Variants in EYS observed in about 807,000 individuals in gnomAD.
The protein encoded by EYS is protein eyes shut homolog.
In EYS, 250 loss-of-function variants were observed where a neutral mutation model predicts 282.1. The observed-to-expected ratio is 0.89, with a 90% confidence interval of 0.80 to 0.98. The LOEUF (loss-of-function observed/expected upper bound fraction) is 0.98. Among genes scored for constraint, EYS ranks in the 50% least tolerant of loss-of-function variants. The pLI is 0.00. For synonymous variants in EYS, 1,355 were observed against 1,282.9 expected (o/e 1.06, Z -1.20); for missense variants, 4,016 against 3,709.0 (o/e 1.08, Z -2.15).
At chr6:64,292,177 C>CA (rs1356104330) in intron 30 of EYS, among the ~76,000 whole-genome samples, 27 of 152,112 alleles carry the variant, frequency 1.8e-4, no homozygotes, top group Non-Finnish European at 2.9e-4. Context: ...CCCACTTCCA[C>CA]AAAACCAGCA....
chr6:64,758,343 A>C (rs898151026), intron 22 of EYS, among the ~76,000 whole-genome samples: 2 of 152,182 alleles, frequency 1.3e-5, no homozygotes, highest in African/African-American at 4.8e-5. Context: ...TGACAACATC[A>C]AAATATAAGA....
At chr6:65,656,013 T>G (rs1767809373) in intron 1 of EYS, among the ~76,000 whole-genome samples, 1 of 151,834 alleles carries the variant, frequency 6.6e-6, no homozygotes, top group African/African-American at 2.4e-5. Flanking sequence ...TTTCAGACGT[T>G]TTCATTATTA....
intron 42 of EYS, among the ~76,000 whole-genome samples, chr6:63,724,583 C>A (rs944003008): frequency 6.6e-6 from 1 of 151,782 alleles, no homozygotes; most frequent in Non-Finnish European, 1.5e-5. Context: ...TATCAAAAAT[C>A]TTTTAAAGGT....
intron 1 of EYS, among the ~76,000 whole-genome samples, chr6:65,648,314 A>ATGTGTGTGTGTGTGTGTGTG (rs58196369): frequency 2.0e-5 from 3 of 147,894 alleles, no homozygotes; most frequent in East Asian, 2.1e-4. Flanking sequence ...AAGAAAATAT[A>ATGTGTGTGTGTGTGTGTGTG]TGTGTGTGTG....
chr6:65,135,816 C>G (rs2150205463), intron 12 of EYS, among the ~76,000 whole-genome samples: 1 of 152,054 alleles, frequency 6.6e-6, no homozygotes, highest in African/African-American at 2.4e-5. Flanking sequence ...CTCTGTGATG[C>G]TTACTGGAAC....
At chr6:63,852,893 T>C (rs1199373772) in intron 36 of EYS, among the ~76,000 whole-genome samples, 1 of 152,174 alleles carries the variant, frequency 6.6e-6, no homozygotes, top group Non-Finnish European at 1.5e-5. Flanking sequence ...CACATGATTA[T>C]CCCTACAGAT....
At chr6:65,383,879 T>C (rs772926408) in intron 8 of EYS, among the ~76,000 whole-genome samples, 5 of 151,982 alleles carry the variant, frequency 3.3e-5, no homozygotes, top group African/African-American at 4.8e-5. Flanking sequence ...TGAAAATTCC[T>C]GTGTATGTCT....
At chr6:64,210,253 C>T (rs377578164) in intron 31 of EYS, among the ~76,000 whole-genome samples, 5 of 152,216 alleles carry the variant, frequency 3.3e-5, no homozygotes, top group South Asian at 2.1e-4. Flanking sequence ...GCTGCCATAG[C>T]GAGTTATGTT....
At chr6:64,868,758 A>C (rs1314500815) in intron 19 of EYS, among the ~76,000 whole-genome samples, 3 of 151,456 alleles carry the variant, frequency 2.0e-5, no homozygotes, top group Non-Finnish European at 4.4e-5. Context: ...ACAGGAACAT[A>C]TTTTTCTGAA....
chr6:64,614,250 C>A (rs978153254), intron 24 of EYS, among the ~76,000 whole-genome samples: 3 of 152,050 alleles, frequency 2.0e-5, no homozygotes, highest in African/African-American at 7.2e-5. Context: ...AAATTTTGAC[C>A]TCTGACACCT....
chr6:63,990,188 A>G (rs1200852697), intron 34 of EYS, among the ~76,000 whole-genome samples: 1 of 151,722 alleles, frequency 6.6e-6, no homozygotes, highest in Non-Finnish European at 1.5e-5. Flanking sequence ...TTGTTGCAAA[A>G]TAATAACATA....
At chr6:65,566,813 TA>T (rs1322382978) in intron 2 of EYS, among the ~76,000 whole-genome samples, 13 of 152,138 alleles carry the variant, frequency 8.5e-5, no homozygotes, top group Non-Finnish European at 1.9e-4. Context: ...TTTAGTAGTT[TA>T]AAAAATCATA....
intron 12 of EYS, among the ~76,000 whole-genome samples, chr6:65,079,025 G>C (rs1445578427): frequency 6.6e-6 from 1 of 151,672 alleles, no homozygotes; most frequent in Non-Finnish European, 1.5e-5. Context: ...CATGTTTTCT[G>C]TTCAGCCTGC....
At chr6:63,896,858 G>T (rs1773548151) in intron 35 of EYS, among the ~76,000 whole-genome samples, 1 of 152,056 alleles carries the variant, frequency 6.6e-6, no homozygotes, top group Non-Finnish European at 1.5e-5. Flanking sequence ...TGTATTTACG[G>T]TTCCTCTATT....
In EYS at chr6:65,494,826, G is replaced by C. The variant is rs764334169; in HGVS notation, c.585C>G (p.Ser195Arg). 46 of 1,613,874 alleles carry C rather than the reference G, an allele frequency of 2.9e-5. No individual in the cohort carries two copies. Among genetic ancestry groups the C allele is most frequent in the Non-Finnish European group, 3.8e-5 (45 of 1,179,982 alleles). ...GHGKCLSEAW[S>R]KTYSCHCQPP... ...GCTGGCAATGGCAGCTATATGTCTT[G>C]CTCCAAGCTTCACTAAGACATTTAC... Residue 195 changes from serine to arginine, a missense_variant, in exon 4 of 43, where the codon AGC becomes AGG. Physicochemically the swap from Ser to Arg is moderately radical, Grantham distance 110. Transcript: ENST00000503581.
chr6:65,568,017 A>T (rs1562263562), intron 2 of EYS, among the ~76,000 whole-genome samples: 1 of 152,058 alleles, frequency 6.6e-6, no homozygotes, highest in Non-Finnish European at 1.5e-5. Context: ...TCCCACCTAG[A>T]ACAAGAATTA....
intron 35 of EYS, among the ~76,000 whole-genome samples, chr6:63,982,655 T>C (rs752036532): frequency 1.3e-4 from 20 of 151,790 alleles, no homozygotes; most frequent in Non-Finnish European, 2.5e-4. Flanking sequence ...GGAAGTGATG[T>C]CTCATCACCT....
intron 26 of EYS, among the ~76,000 whole-genome samples, chr6:64,493,318 C>T (rs1776791610): frequency 6.6e-6 from 1 of 151,166 alleles, no homozygotes; most frequent in South Asian, 2.1e-4. Context: ...CTTTCCAGAG[C>T]CCATAAAAAG....
rs888641067 is a variant in EYS at position 63,778,051 on chromosome 6, T to G, written c.7853A>C (p.Lys2618Thr). 6.4e-7 allele frequency: 1 copy of G among 1,551,594 alleles called. No homozygotes were observed. The highest frequency in any genetic ancestry group is 8.7e-7 in the Non-Finnish European group (1 of 1,146,956). The stretch of plus-strand genomic sequence containing the variant: ...TATGCATGTCCCACCATTGCCACAT[T>G]TCATTAAACTGCAGGGAGAAGCATG... ...QCHASPCSLM[K>T]CGNGGTCIES... The change falls in exon 40 of 43, where the codon AAA becomes ACA. Residue 2618 changes from lysine (K) to threonine (T), a missense_variant. Physicochemically the swap from Lys to Thr is moderately conservative, Grantham distance 78 (BLOSUM62 -1). Coordinates refer to ENST00000503581, the MANE Select transcript of EYS (RefSeq NM_001142800.2).
Sources: gnomAD v4.1 joint callset for allele counts (sites outside exome capture counted in the v4.1 genomes callset) on GRCh38, gnomAD v4.1.1 for gene constraint, MANE v1.5 for transcripts, NCBI Gene and HGNC (gene_info 2026-07-23, HGNC 2026-07-21) for gene names.